The following ATXN1 variants were observed in gnomAD, a reference collection of about 807,000 sequenced individuals.
ATXN1 encodes ataxin 1.
A neutral mutation model predicts 56.4 loss-of-function variants in ATXN1; 8 were observed. The observed-to-expected ratio is 0.14, with a 90% CI of 0.08 to 0.26. ATXN1 has a LOEUF of 0.26. Among genes scored for constraint, ATXN1 ranks in the 10% least tolerant of loss-of-function variants. ATXN1 has a pLI of 1.00. For synonymous variants in ATXN1, 514 were observed against 494.6 expected (o/e 1.04, Z -0.52); for missense variants, 987 against 1,106.5 (o/e 0.89, Z 1.53).
rs563392001 is a variant in ATXN1, at chr6:16,576,053, T to C, written c.-361+9727A>G. ...TAATGCAATAAACTCAGACTCTTTATATAGTGACTATGTGCTTTTCTAGGA... is the reference window on the plus strand; with the variant it reads ...TAATGCAATAAACTCAGACTCTTTACATAGTGACTATGTGCTTTTCTAGGA... On this transcript the variant is annotated intron_variant, in intron 4 of 7. Transcript: ENST00000436367. Among the ~76,000 whole-genome samples the C allele has an allele frequency of 1.8e-4, 27 of 152,080 alleles. No individual in the cohort carries two copies. The East Asian group carries it at 5.2e-3, about 29-fold the overall frequency.
chr6:16,575,894 T>C (rs1762411989), intron 4 of ATXN1, among the ~76,000 whole-genome samples: 1 of 152,168 alleles, frequency 6.6e-6, no homozygotes, highest in Non-Finnish European at 1.5e-5. Flanking sequence ...TACTGCTTGC[T>C]CTATAAAAAT....
chr6:16,695,478 G>C (rs7763179), intron 2 of ATXN1, among the ~76,000 whole-genome samples: 9,575 of 152,174 alleles, frequency 0.063, 428 homozygotes, highest in African/African-American at 0.13. Context: ...AAGATGAACA[G>C]GTCATCATCT....
chr6:16,451,459 C>A (rs929519143), intron 6 of ATXN1, among the ~76,000 whole-genome samples: 1 of 151,782 alleles, frequency 6.6e-6, no homozygotes, highest in Non-Finnish European at 1.5e-5. Flanking sequence ...AGCGAGACTC[C>A]GTCTCAAAAA....
chr6:16,543,767 A>T (rs574828964), intron 4 of ATXN1, among the ~76,000 whole-genome samples: 2 of 152,128 alleles, frequency 1.3e-5, no homozygotes, highest in African/African-American at 4.8e-5. Flanking sequence ...GCACTTAAAA[A>T]TTAACTCTAA....
At position 16,318,841 on chromosome 6, in the gene ATXN1, G is replaced by C. The variant is rs545792730; in HGVS notation, c.1917+7553C>G. Among the ~76,000 whole-genome samples the C allele has an allele frequency of 6.0e-4, 91 of 152,310 alleles. No individual in the cohort carries two copies. In the South Asian group the frequency reaches 0.018, roughly 30 times the overall value. On this transcript the variant is annotated intron_variant, in intron 7 of 7. Coordinates refer to ENST00000436367, the MANE Select transcript of ATXN1 (RefSeq NM_001128164.2). The stretch of plus-strand genomic sequence containing the variant: ...ATGGCCAGGAAGGACACTGCCCAGT[G>C]AGTGACCACAGCAGCTGTGACACGG...
intron 6 of ATXN1, among the ~76,000 whole-genome samples, chr6:16,331,281 G>T (rs939239201): frequency 6.6e-6 from 1 of 152,332 alleles, no homozygotes; most frequent in African/African-American, 2.4e-5. Flanking sequence ...GATTACAGGC[G>T]TGAGCCACTG....
intron 6 of ATXN1, among the ~76,000 whole-genome samples, chr6:16,341,514 ATTTTTT>A (rs1180798356): frequency 8.1e-6 from 1 of 122,712 alleles, no homozygotes; most frequent in African/African-American, 3.1e-5. Flanking sequence ...GGTATAGAGG[ATTTTTT>A]TTTTTTTTTT....
intron 2 of ATXN1, among the ~76,000 whole-genome samples, chr6:16,721,962 C>T (rs1759754171): frequency 1.3e-5 from 2 of 152,162 alleles, no homozygotes; most frequent in East Asian, 1.9e-4. Flanking sequence ...AGCCTTGGGA[C>T]GTTCTGGAAA....
intron 3 of ATXN1, among the ~76,000 whole-genome samples, chr6:16,633,741 A>G (rs757236140): frequency 1.6e-4 from 24 of 152,338 alleles, no homozygotes; most frequent in Middle Eastern, 3.4e-3. Context: ...TATAGAACCA[A>G]GGCTCCGAGC....
intron 3 of ATXN1, among the ~76,000 whole-genome samples, chr6:16,617,766 C>CAAA (rs397975811): frequency 1.1e-5 from 1 of 89,502 alleles, no homozygotes; most frequent in Admixed American, 1.2e-4. Context: ...AACTCTGTCT[C>CAAA]AAAAAAAAAA....
chr6:16,625,466 G>A (rs958896158), intron 3 of ATXN1, among the ~76,000 whole-genome samples: 1 of 152,188 alleles, frequency 6.6e-6, no homozygotes, highest in Non-Finnish European at 1.5e-5. Flanking sequence ...GACAGACCAT[G>A]TGTGACCATG....
At chr6:16,655,867 A>G (rs1581335878) in intron 3 of ATXN1, among the ~76,000 whole-genome samples, 1 of 151,902 alleles carries the variant, frequency 6.6e-6, no homozygotes, top group Admixed American at 6.6e-5. Context: ...AGGCAGGCGG[A>G]TCACCTGAGG....
intron 5 of ATXN1, among the ~76,000 whole-genome samples, chr6:16,499,792 A>T (rs1297731319): frequency 6.6e-6 from 1 of 152,250 alleles, no homozygotes; most frequent in Non-Finnish European, 1.5e-5. Context: ...AATACAGTGT[A>T]GGTTGTAGAA....
intron 4 of ATXN1, among the ~76,000 whole-genome samples, chr6:16,526,237 T>C (rs995895464): frequency 6.6e-6 from 1 of 152,018 alleles, no homozygotes; most frequent in Non-Finnish European, 1.5e-5. Context: ...AACCAATACA[T>C]ATTTATTTGT....
intron 5 of ATXN1, among the ~76,000 whole-genome samples, chr6:16,521,044 T>C (rs1390970672): frequency 6.6e-6 from 1 of 152,182 alleles, no homozygotes; most frequent in Non-Finnish European, 1.5e-5. Flanking sequence ...CTAGGTGAGA[T>C]GAAATGTTTT....
chr6:16,563,327 T>C (rs1762155294), intron 4 of ATXN1, among the ~76,000 whole-genome samples: 1 of 151,932 alleles, frequency 6.6e-6, no homozygotes, highest in Non-Finnish European at 1.5e-5. Context: ...GACCCATCAG[T>C]TGGGTTTGGG....
At chr6:16,313,637 A>G (rs1760448834) in intron 7 of ATXN1, among the ~76,000 whole-genome samples, 1 of 151,790 alleles carries the variant, frequency 6.6e-6, no homozygotes, top group Admixed American at 6.6e-5. Flanking sequence ...GCTCACTGCA[A>G]TCTCTGCCTC....
chr6:16,703,134 G>T (rs10949377), intron 2 of ATXN1, among the ~76,000 whole-genome samples: 110,450 of 151,800 alleles, frequency 0.73, 40,954 homozygotes, highest in African/African-American at 0.89. Flanking sequence ...ATACACACCA[G>T]GGAATACTAT....
intron 2 of ATXN1, among the ~76,000 whole-genome samples, chr6:16,708,013 A>G (rs773648493): frequency 1.2e-4 from 19 of 152,216 alleles, no homozygotes; most frequent in Non-Finnish European, 2.2e-4. Flanking sequence ...CACTAATCAA[A>G]TAACAGAGAC....
Sources: allele counts gnomAD v4.1 joint callset (sites outside exome capture counted in the v4.1 genomes callset), GRCh38; gene constraint gnomAD v4.1.1; transcripts MANE v1.5; gene names NCBI Gene and HGNC (gene_info 2026-07-23, HGNC 2026-07-21).